MEMO1: variants seen among roughly 807,000 people sequenced by gnomAD.
MEMO1 encodes the protein mediator of cell motility 1.
MEMO1 carries 6 observed loss-of-function variants against 45.2 expected under a neutral mutation model. That is an observed-to-expected ratio of 0.13 (90% CI 0.07 to 0.26). The LOEUF is 0.26. MEMO1 is among the 10% of genes least tolerant of loss of function. MEMO1 has a pLI of 1.00. For synonymous variants in MEMO1, 78 were observed against 124.3 expected (o/e 0.63, Z 2.48); for missense variants, 184 against 370.5 (o/e 0.50, Z 4.13).
intron 2 of MEMO1, among the ~76,000 whole-genome samples, chr2:31,979,796 T>C (rs78777522): frequency 2.6e-5 from 4 of 152,274 alleles, no homozygotes; most frequent in East Asian, 3.9e-4. Flanking sequence ...AATTTAAAGA[T>C]AGATATTGCT....
chr2:31,957,907 C>A (rs557517551), intron 2 of MEMO1, among the ~76,000 whole-genome samples: 2 of 152,256 alleles, frequency 1.3e-5, no homozygotes, highest in African/African-American at 4.8e-5. Context: ...AGGTCTGTTT[C>A]CTTCTTTCAC....
At chr2:32,010,070 C>G (rs866175933) in intron 2 of MEMO1, 117 bp downstream of exon 2, 1 of 352,826 alleles carries the variant, frequency 2.8e-6, no homozygotes, top group Non-Finnish European at 3.9e-6. Flanking sequence ...CCCGGCGGCC[C>G]GTCCGCGCCC....
At chr2:31,916,897 A>G (rs945512096) in intron 6 of MEMO1, among the ~76,000 whole-genome samples, 42 of 152,208 alleles carry the variant, frequency 2.8e-4, no homozygotes, top group African/African-American at 9.6e-4. Context: ...ACTAAACAAG[A>G]AAAACTAAAC....
In MEMO1 at chr2:31,973,583, A is replaced by G. The variant is rs142633657; in HGVS notation, c.62-30200T>C. Among the ~76,000 whole-genome samples, 314 of 152,354 alleles carry G rather than the reference A, an allele frequency of 2.1e-3. 2 individuals are homozygous for G. Among genetic ancestry groups the G allele is most frequent in the African/African-American group, 7.3e-3 (304 of 41,590 alleles). ...TCTTTTGAAATGTCCGTCAGCAGATAAATGGAAAAACAAAATGTGTTATAT... is the reference window on the plus strand; with the variant it reads ...TCTTTTGAAATGTCCGTCAGCAGATGAATGGAAAAACAAAATGTGTTATAT... On this transcript the variant is annotated intron_variant, in intron 2 of 9. Transcript: ENST00000404530.
At chr2:31,915,011 A>T (rs1681218569) in intron 6 of MEMO1, among the ~76,000 whole-genome samples, 1 of 150,936 alleles carries the variant, frequency 6.6e-6, no homozygotes. Flanking sequence ...TCATGCCTAT[A>T]ATCCCATTGC....
Position 31,868,330 on chromosome 2 carries a change from G to C in MEMO1, c.*31C>G. The C allele has an allele frequency of 6.6e-7, 1 of 1,524,326 alleles. No homozygotes were observed. The highest frequency in any genetic ancestry group is 8.8e-7 in the Non-Finnish European group (1 of 1,136,490). 94.4% of individuals were successfully genotyped at this position (1,524,326 alleles called of 1,614,324 possible). On this transcript the variant is annotated 3_prime_UTR_variant, in exon 10 of 10. Transcript: ENST00000404530. The stretch of plus-strand genomic sequence containing the variant: ...GGGACCCCGGACAGAGTATGAGAAT[G>C]TGCAGGTGGCATCCCTGAGGATTCA...
At chr2:31,880,667 A>G (rs1026666159) in intron 8 of MEMO1, among the ~76,000 whole-genome samples, 1 of 152,226 alleles carries the variant, frequency 6.6e-6, no homozygotes, top group Admixed American at 6.5e-5. Context: ...GTCCAAGTCT[A>G]TCTTCTTCCA....
chr2:31,934,469 TAA>T (rs569406028), intron 3 of MEMO1, among the ~76,000 whole-genome samples: 3 of 134,002 alleles, frequency 2.2e-5, no homozygotes, highest in African/African-American at 2.7e-5. Context: ...ATTTCAAAAT[TAA>T]AAAAAAAAAA....
At chr2:31,965,387 G>A (rs982902220) in intron 2 of MEMO1, among the ~76,000 whole-genome samples, 7 of 152,052 alleles carry the variant, frequency 4.6e-5, no homozygotes, top group Non-Finnish European at 5.9e-5. Context: ...CTAATGCTGG[G>A]AGGCAACTAT....
chr2:31,947,363 T>A (rs200319400), intron 2 of MEMO1, among the ~76,000 whole-genome samples: 3 of 152,212 alleles, frequency 2.0e-5, no homozygotes, highest in Non-Finnish European at 4.4e-5. Context: ...TAATTAAGCA[T>A]ACCTATTTAT....
intron 2 of MEMO1, among the ~76,000 whole-genome samples, chr2:31,968,760 T>C (rs1668928042): frequency 6.6e-6 from 1 of 152,188 alleles, no homozygotes; most frequent in South Asian, 2.1e-4. Flanking sequence ...TTTGTTTGTT[T>C]TCATTCAAAT....
Position 32,002,184 on chromosome 2 carries a change from T to C in MEMO1, c.61+8003A>G, listed in dbSNP as rs57150271. ...AAAAAAAAAAATATATATATATATA[T>C]ATACACACACACACACACATGTATA... On this transcript the variant is annotated intron_variant, in intron 2 of 9. Transcript: ENST00000404530. Among the ~76,000 whole-genome samples the C allele has an allele frequency of 4.8e-3, 566 of 116,720 alleles. 6 individuals carry two copies. The highest frequency in any genetic ancestry group is 0.027 in the South Asian group (99 of 3,698). 76.6% of individuals were successfully genotyped at this position (116,720 alleles called of 152,430 possible).
chr2:31,939,891 A>G (rs1415744409), intron 3 of MEMO1, among the ~76,000 whole-genome samples: 1 of 152,124 alleles, frequency 6.6e-6, no homozygotes, highest in African/African-American at 2.4e-5. Context: ...CTCACCTCTC[A>G]TTCTTTCCTA....
intron 2 of MEMO1, among the ~76,000 whole-genome samples, chr2:31,999,703 T>C (rs1359071254): frequency 6.6e-6 from 1 of 152,110 alleles, no homozygotes. Context: ...ACTCATATGA[T>C]ACTACTCTGT....
At chr2:31,955,644 T>C (rs1232838612) in intron 2 of MEMO1, among the ~76,000 whole-genome samples, 1 of 152,206 alleles carries the variant, frequency 6.6e-6, no homozygotes, top group Non-Finnish European at 1.5e-5. Flanking sequence ...GTTTTGCTCT[T>C]CTTGCCCAGG....
intron 3 of MEMO1, among the ~76,000 whole-genome samples, chr2:31,938,656 A>T (rs191791458): frequency 6.6e-6 from 1 of 152,262 alleles, no homozygotes; most frequent in African/African-American, 2.4e-5. Flanking sequence ...CCAAAATAAA[A>T]AAATAAAAAA....
intron 6 of MEMO1, among the ~76,000 whole-genome samples, chr2:31,913,939 T>A (rs1011173694): frequency 6.6e-6 from 1 of 152,146 alleles, no homozygotes; most frequent in Non-Finnish European, 1.5e-5. Context: ...GAATGAGGCA[T>A]AAGTGATGCT....
At chr2:31,934,898 T>A (rs1406794493) in intron 3 of MEMO1, among the ~76,000 whole-genome samples, 1 of 152,152 alleles carries the variant, frequency 6.6e-6, no homozygotes, top group African/African-American at 2.4e-5. Flanking sequence ...ACTCTATCAG[T>A]GCTGGTGGGC....
chr2:32,010,106 G>A, intron 2 of MEMO1, 81 bp downstream of exon 2: 1 of 717,428 alleles, frequency 1.4e-6, no homozygotes, highest in Non-Finnish European at 1.7e-6. Context: ...GCCGCCGCGG[G>A]GCCGGGCCGC....
Sources: gnomAD v4.1 joint callset for allele counts (sites outside exome capture counted in the v4.1 genomes callset) on GRCh38, gnomAD v4.1.1 for gene constraint, MANE v1.5 for transcripts, NCBI Gene and HGNC (gene_info 2026-07-23, HGNC 2026-07-21) for gene names.